The following NT5DC1 variants were observed in gnomAD, a reference collection of about 807,000 sequenced individuals.
The protein encoded by NT5DC1 is 5'-nucleotidase domain containing 1.
A neutral mutation model predicts 59.4 loss-of-function variants in NT5DC1; 42 were observed. The ratio of observed to expected loss-of-function variants is 0.71; its 90% CI spans 0.55 to 0.92. NT5DC1 has a LOEUF of 0.92. Among genes scored for constraint, NT5DC1 ranks in the 40% least tolerant of loss-of-function variants. The pLI, the probability that NT5DC1 is intolerant of heterozygous loss-of-function variation, is 0.00. For missense variants in NT5DC1, 501 were observed against 537.1 expected, an observed-to-expected ratio of 0.93 and a Z score of 0.66; for synonymous variants, 172 against 188.1, an observed-to-expected ratio of 0.91 and a Z score of 0.70.
chr6:116,238,561 T>C (rs1406150659), intron 10 of NT5DC1, among the ~76,000 whole-genome samples: 1 of 151,952 alleles, frequency 6.6e-6, no homozygotes, highest in African/African-American at 2.4e-5. Context: ...TAAATAATAA[T>C]TCCATCCTCA....
intron 6 of NT5DC1, among the ~76,000 whole-genome samples, chr6:116,135,037 C>T (rs1406634511): frequency 6.6e-6 from 1 of 152,162 alleles, no homozygotes; most frequent in African/African-American, 2.4e-5. Context: ...TTATCTTTTA[C>T]TCATCTGTAC....
intron 6 of NT5DC1, among the ~76,000 whole-genome samples, chr6:116,186,201 A>G (rs777583818): frequency 2.6e-4 from 39 of 152,190 alleles, no homozygotes; most frequent in Non-Finnish European, 4.3e-4. Context: ...TAGGACCCCA[A>G]TGCTGTCTAG....
intron 8 of NT5DC1, among the ~76,000 whole-genome samples, chr6:116,227,000 A>T (rs185641659): frequency 6.6e-6 from 1 of 152,128 alleles, no homozygotes; most frequent in African/African-American, 2.4e-5. Flanking sequence ...CTTAAAATCT[A>T]TTCTCTTAGT....
At chr6:116,112,437 T>C (rs1475552220) in intron 4 of NT5DC1, among the ~76,000 whole-genome samples, 1 of 152,242 alleles carries the variant, frequency 6.6e-6, no homozygotes, top group Non-Finnish European at 1.5e-5. Context: ...TTAGAAAATT[T>C]AAATATTATA....
At chr6:116,135,011 A>G (rs963320900) in intron 6 of NT5DC1, among the ~76,000 whole-genome samples, 2 of 152,164 alleles carry the variant, frequency 1.3e-5, no homozygotes, top group African/African-American at 4.8e-5. Context: ...AGACATAGCT[A>G]TGCTTCACTT....
intron 8 of NT5DC1, among the ~76,000 whole-genome samples, chr6:116,225,856 G>A (rs1184953450): frequency 6.6e-6 from 1 of 152,176 alleles, no homozygotes; most frequent in African/African-American, 2.4e-5. Flanking sequence ...TGCTGCAGTG[G>A]TTTTCAACGG....
Position 116,130,003 on chromosome 6 carries a change from G to A in NT5DC1, c.529+12058G>A, listed in dbSNP as rs930880044. On this transcript the variant is annotated intron_variant, in intron 6 of 11. Transcript: ENST00000319550. ...AGAGTGGTATGATATACTTCTGTTA[G>A]GAAGCCCTTAATTGCTGGTGTCTCT... Among the ~76,000 whole-genome samples the A allele has an allele frequency of 6.6e-5, 10 of 152,236 alleles. No homozygotes were observed. The East Asian group carries it at 1.9e-3, about 29-fold the overall frequency.
intron 6 of NT5DC1, among the ~76,000 whole-genome samples, chr6:116,145,983 T>G (rs1779889326): frequency 6.6e-6 from 1 of 152,212 alleles, no homozygotes; most frequent in South Asian, 2.1e-4. Context: ...CAGGCAGAAA[T>G]CTTTCCTTAC....
At position 116,115,692 on chromosome 6, in the gene NT5DC1, A is replaced by C; in HGVS notation, c.366A>C (p.Gly122=). The C allele has an allele frequency of 3.8e-6, 6 of 1,560,234 alleles. No individual in the cohort carries two copies. The highest frequency in any genetic ancestry group is 5.3e-6 in the Non-Finnish European group (6 of 1,131,382). The part of the protein sequence containing the change: ...LSDTGMACRS[G]KYYFYDNYFD... The stretch of plus-strand genomic sequence containing the variant: ...GTTTAAAATTTTGTTCTTTTTTAGG[A>C]AAGTATTACTTTTACGACAACTACT... Residue 122 remains glycine (G), a splice_region_variant and synonymous_variant, in exon 5 of 12, where the codon GGA becomes GGC. Coordinates refer to ENST00000319550, the MANE Select transcript of NT5DC1 (RefSeq NM_152729.3).
At chr6:116,138,027 A>G (rs9481607) in intron 6 of NT5DC1, among the ~76,000 whole-genome samples, 77,352 of 151,720 alleles carry the variant, frequency 0.51, 20,823 homozygotes, top group African/African-American at 0.69. Flanking sequence ...GCAGTGAGCC[A>G]AGATCACACC....
intron 6 of NT5DC1, among the ~76,000 whole-genome samples, chr6:116,151,660 A>G (rs182037365): frequency 1.3e-5 from 2 of 152,320 alleles, no homozygotes; most frequent in South Asian, 2.1e-4. Context: ...GGTTACATTT[A>G]TAGATAATAT....
intron 6 of NT5DC1, among the ~76,000 whole-genome samples, chr6:116,213,867 T>C (rs924965243): frequency 1.3e-5 from 2 of 152,044 alleles, no homozygotes; most frequent in African/African-American, 4.8e-5. Context: ...ATTGGGGATT[T>C]TGTGCCAAGC....
intron 6 of NT5DC1, among the ~76,000 whole-genome samples, chr6:116,139,047 A>G (rs1779696847): frequency 6.6e-6 from 1 of 152,164 alleles, no homozygotes; most frequent in South Asian, 2.1e-4. Flanking sequence ...TTAGAAAATG[A>G]CTGATAAAAT....
At chr6:116,110,060 A>G (rs1458573863) in intron 3 of NT5DC1, among the ~76,000 whole-genome samples, 1 of 152,194 alleles carries the variant, frequency 6.6e-6, no homozygotes, top group Non-Finnish European at 1.5e-5. Flanking sequence ...AAAATATAAC[A>G]ATAGAACTCA....
intron 6 of NT5DC1, among the ~76,000 whole-genome samples, chr6:116,197,761 T>A (rs1275277237): frequency 6.6e-6 from 1 of 152,138 alleles, no homozygotes; most frequent in Admixed American, 6.5e-5. Context: ...TGAGATAATG[T>A]ATAAAGAACT....
intron 6 of NT5DC1, among the ~76,000 whole-genome samples, chr6:116,185,868 C>T (rs1160533003): frequency 2.0e-5 from 3 of 152,002 alleles, no homozygotes; most frequent in South Asian, 2.1e-4. Context: ...TTACATTCAA[C>T]GTTAGTATTG....
chr6:116,216,088 A>G (rs916346636), intron 6 of NT5DC1, among the ~76,000 whole-genome samples: 1 of 152,144 alleles, frequency 6.6e-6, no homozygotes, highest in Non-Finnish European at 1.5e-5. Context: ...AATCTAGAGT[A>G]CCATGCTTAA....
intron 6 of NT5DC1, among the ~76,000 whole-genome samples, chr6:116,213,690 T>C (rs1449492421): frequency 6.6e-6 from 1 of 151,644 alleles, no homozygotes; most frequent in Non-Finnish European, 1.5e-5. Context: ...TAGGAGAACA[T>C]GAAAATGCCC....
chr6:116,214,249 G>GA (rs1202726535), intron 6 of NT5DC1, among the ~76,000 whole-genome samples: 1 of 151,930 alleles, frequency 6.6e-6, no homozygotes, highest in Non-Finnish European at 1.5e-5. Context: ...ATAGTACACT[G>GA]AAAAAACATA....
Sources: allele counts gnomAD v4.1 joint callset (sites outside exome capture counted in the v4.1 genomes callset), GRCh38; gene constraint gnomAD v4.1.1; transcripts MANE v1.5; gene names NCBI Gene and HGNC (gene_info 2026-07-23, HGNC 2026-07-21).